Variants in SNX29 observed in about 807,000 individuals in gnomAD.
SNX29 encodes the protein sorting nexin-29.
Under a neutral mutation model 102.1 loss-of-function variants are expected in SNX29, and 78 were observed. The observed-to-expected ratio is 0.76, with a 90% confidence interval of 0.64 to 0.92. The LOEUF (loss-of-function observed/expected upper bound fraction) is 0.92, where lower values mean the gene tolerates loss of function less well. SNX29 is among the 40% of genes least tolerant of loss of function. SNX29 has a pLI of 0.00. For synonymous variants in SNX29, 580 were observed against 414.5 expected (o/e 1.40, Z -4.85); for missense variants, 1,280 against 1,061.7 (o/e 1.21, Z -2.86).
chr16:12,005,556 A>G (rs1049464527), intron 3 of SNX29, among the ~76,000 whole-genome samples: 2 of 151,988 alleles, frequency 1.3e-5, no homozygotes, highest in Admixed American at 6.6e-5. Flanking sequence ...GTCTGTGTGT[A>G]TGGGTGTGTG....
At chr16:12,533,906 A>C (rs2076998775) in intron 20 of SNX29, among the ~76,000 whole-genome samples, 1 of 152,228 alleles carries the variant, frequency 6.6e-6, no homozygotes, top group Admixed American at 6.5e-5. Flanking sequence ...GCAGAAATGC[A>C]CATCTTCATA....
At chr16:12,191,173 G>C (rs555569304) in intron 13 of SNX29, among the ~76,000 whole-genome samples, 26 of 152,120 alleles carry the variant, frequency 1.7e-4, no homozygotes, top group Admixed American at 3.3e-4. Context: ...AATAGGGTTC[G>C]TGCTCCTATG....
chr16:12,548,197 C>G (rs989659558), intron 20 of SNX29, among the ~76,000 whole-genome samples: 1 of 152,216 alleles, frequency 6.6e-6, no homozygotes, highest in Admixed American at 6.5e-5. Flanking sequence ...CCCACAGCGC[C>G]TCCCACAAGG....
chr16:12,477,783 T>C lies in SNX29; in HGVS notation c.2102T>C (p.Leu701Ser), dbSNP rs765847829. 2 of 1,613,458 alleles carry C rather than the reference T, an allele frequency of 1.2e-6. No homozygotes were observed. Among genetic ancestry groups the C allele is most frequent in the Non-Finnish European group, 1.7e-6 (2 of 1,179,708 alleles). ...CGCCGGTATACAGAGTTCAGGAGTTTGCACCACAAGTTACAAAACAAGTAC... is the reference window on the plus strand; with the variant it reads ...CGCCGGTATACAGAGTTCAGGAGTTCGCACCACAAGTTACAAAACAAGTAC... ...IYRRYTEFRSLHHKLQNKYPQ... is the reference protein window; with the variant it reads ...IYRRYTEFRSSHHKLQNKYPQ... Residue 701 changes from leucine to serine, a missense_variant, in exon 19 of 21, where the codon TTG becomes TCG. Leu to Ser is a moderately radical substitution (Grantham distance 145). Transcript: ENST00000566228.
Position 12,129,669 on chromosome 16 carries a change from A to G in SNX29, c.1506A>G (p.Ser502=), listed in dbSNP as rs1326046664. The G allele has an allele frequency of 6.2e-7, 1 of 1,611,270 alleles. No individual in the cohort carries two copies. The highest frequency in any genetic ancestry group is 1.1e-5 in the South Asian group (1 of 90,700). ...RNLLDGEMEH[S]AALRQEVDTL... is the part of the protein sequence containing the mutation. Reference sequence around the variant, plus strand: ...TGCTCGACGGTGAGATGGAGCACTCAGCCGCGCTCCGGCAAGAGGTGGACA... The same window carrying G: ...TGCTCGACGGTGAGATGGAGCACTCGGCCGCGCTCCGGCAAGAGGTGGACA... Residue 502 remains serine, a synonymous_variant, in exon 13 of 21, where the codon TCA becomes TCG. Transcript: ENST00000566228.
Position 12,130,198 on chromosome 16 carries a change from C to T in SNX29, c.1595+440C>T, listed in dbSNP as rs540717137. Among the ~76,000 whole-genome samples the T allele has an allele frequency of 4.7e-5, 7 of 150,410 alleles. No individual in the cohort carries two copies. The East Asian group carries it at 9.8e-4, about 21-fold the overall frequency. ...TTTTTAGTTAAAAAAAAAAAAAAGC[C>T]GGGCATGATGGCTGACACCTGTAAT... On this transcript the variant is annotated intron_variant, in intron 13 of 20. Transcript: ENST00000566228.
intron 14 of SNX29, among the ~76,000 whole-genome samples, chr16:12,232,860 T>A (rs890987992): frequency 2.0e-5 from 3 of 152,232 alleles, no homozygotes; most frequent in African/African-American, 7.2e-5. Flanking sequence ...GTACTCACTA[T>A]CAGCCTCAAT....
chr16:12,544,549 A>C (rs1469555920), intron 20 of SNX29, among the ~76,000 whole-genome samples: 1 of 152,092 alleles, frequency 6.6e-6, no homozygotes, highest in Non-Finnish European at 1.5e-5. Flanking sequence ...CATTCTCTGG[A>C]ATGTTACAGT....
At chr16:12,561,854 C>T (rs867347655) in intron 20 of SNX29, among the ~76,000 whole-genome samples, 31 of 152,284 alleles carry the variant, frequency 2.0e-4, no homozygotes, top group Middle Eastern at 3.4e-3. Flanking sequence ...GGAGGCAGTG[C>T]CCTGGGGACT....
chr16:12,461,865 A>T (rs1184696528), intron 18 of SNX29, among the ~76,000 whole-genome samples: 2 of 147,464 alleles, frequency 1.4e-5, no homozygotes, highest in East Asian at 4.1e-4. Context: ...CTGAGGCAGG[A>T]GAATCACTTG....
chr16:12,560,336 G>C (rs912364650), intron 20 of SNX29, among the ~76,000 whole-genome samples: 2 of 152,112 alleles, frequency 1.3e-5, no homozygotes, highest in African/African-American at 4.8e-5. Context: ...TGGGTTTACC[G>C]AAGGGGGATT....
At chr16:12,100,792 G>C (rs1034822731) in intron 11 of SNX29, among the ~76,000 whole-genome samples, 19 of 151,950 alleles carry the variant, frequency 1.3e-4, no homozygotes, top group Admixed American at 5.9e-4. Context: ...TGCTGCTGGG[G>C]GCATTAGAGC....
chr16:12,248,348 C>G (rs957936891), intron 14 of SNX29, among the ~76,000 whole-genome samples: 2 of 151,860 alleles, frequency 1.3e-5, no homozygotes, highest in African/African-American at 2.4e-5. Context: ...AGTTCTTCCT[C>G]TCCATCTTTA....
intron 14 of SNX29, among the ~76,000 whole-genome samples, chr16:12,231,838 T>A (rs934126836): frequency 1.3e-5 from 2 of 152,242 alleles, no homozygotes; most frequent in African/African-American, 2.4e-5. Context: ...TAGCTCCTTA[T>A]ATTTGTAATT....
intron 20 of SNX29, among the ~76,000 whole-genome samples, chr16:12,548,695 A>G (rs945523382): frequency 6.6e-6 from 1 of 152,198 alleles, no homozygotes; most frequent in African/African-American, 2.4e-5. Context: ...AGAGCACTGC[A>G]GGGCATTGTA....
At chr16:12,199,524 C>T (rs1295571911) in intron 13 of SNX29, 77 bp from the exon 14 acceptor site, 1 of 1,275,486 alleles carries the variant, frequency 7.8e-7, no homozygotes, top group Non-Finnish European at 1.1e-6. Context: ...AAATTCACCA[C>T]CCACCCCTGC....
At chr16:12,173,352 G>A (rs770228349) in intron 13 of SNX29, among the ~76,000 whole-genome samples, 2 of 152,186 alleles carry the variant, frequency 1.3e-5, no homozygotes, top group African/African-American at 2.4e-5. Context: ...GGTGTGACAA[G>A]AATGACCCAG....
chr16:12,317,475 T>G (rs955552905), intron 15 of SNX29, among the ~76,000 whole-genome samples: 6 of 152,318 alleles, frequency 3.9e-5, no homozygotes, highest in African/African-American at 1.4e-4. Flanking sequence ...CTAGGGTGAC[T>G]TGAGAACCTG....
intron 18 of SNX29, among the ~76,000 whole-genome samples, chr16:12,430,912 G>A (rs1232797099): frequency 6.6e-6 from 1 of 151,392 alleles, no homozygotes; most frequent in Non-Finnish European, 1.5e-5. Context: ...GAGTGCAGTG[G>A]CACAATCTCT....
Sources: allele counts gnomAD v4.1 joint callset (sites outside exome capture counted in the v4.1 genomes callset), GRCh38; gene constraint gnomAD v4.1.1; transcripts MANE v1.5; gene names NCBI Gene and HGNC (gene_info 2026-07-23, HGNC 2026-07-21).